Variants in COL6A6 observed in about 807,000 individuals in gnomAD.
COL6A6 encodes the protein collagen alpha-6(VI) chain.
In COL6A6, 183 loss-of-function variants were observed where a neutral mutation model predicts 208.6. The observed-to-expected ratio is 0.88, with a 90% confidence interval of 0.78 to 0.99. The LOEUF (loss-of-function observed/expected upper bound fraction) is 0.99. Ranked by LOEUF, COL6A6 falls within the 50% of genes least tolerant of loss-of-function variation. The pLI is 0.00. For missense variants in COL6A6, 2,816 were observed against 2,815.2 expected (o/e 1.00, Z -0.01); for synonymous variants, 973 against 1,011.8 (o/e 0.96, Z 0.73).
At chr3:130,597,233 G>C (rs746388096) in intron 18 of COL6A6, among the ~76,000 whole-genome samples, 6 of 152,094 alleles carry the variant, frequency 3.9e-5, no homozygotes, top group Non-Finnish European at 5.9e-5. Flanking sequence ...CTTGGAGAAC[G>C]TAAGAGACAA....
intron 17 of COL6A6, among the ~76,000 whole-genome samples, chr3:130,593,729 G>A (rs1378960795): frequency 1.3e-5 from 2 of 152,146 alleles, no homozygotes; most frequent in African/African-American, 2.4e-5. Context: ...ACATGGCAAA[G>A]GACACAGGAA....
intron 32 of COL6A6, among the ~76,000 whole-genome samples, chr3:130,646,623 C>T (rs548947127): frequency 1.3e-5 from 2 of 152,278 alleles, no homozygotes; most frequent in Admixed American, 6.5e-5. Flanking sequence ...GCATAGGGAA[C>T]TTTAAGTGCA....
At chr3:130,543,654 A>G (rs2062426640) in intron 1 of COL6A6, among the ~76,000 whole-genome samples, 1 of 152,200 alleles carries the variant, frequency 6.6e-6, no homozygotes, top group Non-Finnish European at 1.5e-5. Context: ...CCTTCCATCT[A>G]TTGTAACATT....
chr3:130,558,233 T>A (rs543830860), intron 1 of COL6A6, among the ~76,000 whole-genome samples: 27 of 152,304 alleles, frequency 1.8e-4, no homozygotes, highest in Admixed American at 9.8e-4. Flanking sequence ...GCACTTCATC[T>A]GTGTTTTGAT....
rs368134547 is a variant in COL6A6 at position 130,566,967 on chromosome 3, C to T, written c.1548C>T (p.Gly516=). 2.9e-5 allele frequency: 47 copies of T among 1,613,990 alleles called. No individual in the cohort carries two copies. The highest frequency in any genetic ancestry group is 1.5e-4 in the African/African-American group (11 of 75,026). The part of the protein sequence containing the change: ...IRQMGGNTNT[G]AALNFTLSLL... ...AGATGGGTGGGAATACAAACACAGG[C>T]GCAGCACTGAATTTCACACTGAGTC... Residue 516 remains glycine, a synonymous_variant, in exon 5 of 37, where the codon GGC becomes GGT. Coordinates refer to ENST00000358511, the MANE Select transcript of COL6A6 (RefSeq NM_001102608.3).
intron 36 of COL6A6, among the ~76,000 whole-genome samples, chr3:130,673,618 A>G (rs2066288653): frequency 2.0e-5 from 3 of 152,090 alleles, no homozygotes; most frequent in Admixed American, 2.0e-4. Flanking sequence ...TACAATCGTC[A>G]CTTTGGGGAA....
intron 4 of COL6A6, 63 bp downstream of exon 4, chr3:130,565,677 T>C: frequency 6.7e-7 from 1 of 1,499,332 alleles, no homozygotes; most frequent in Non-Finnish European, 8.9e-7. Context: ...TCAAATATTC[T>C]GTATACAAAG....
In COL6A6 at chr3:130,621,832, A is replaced by AGG; in HGVS notation, c.4827_4828insGG (p.Pro1610GlyfsTer82). On this transcript the variant is annotated frameshift_variant, in exon 24 of 37. Coordinates refer to ENST00000358511, the MANE Select transcript of COL6A6 (RefSeq NM_001102608.3). LOFTEE classifies it high-confidence loss of function. ...TTGTTTTGTTTCAGGGGCCTCCAGG[A>AGG]CCCGGAGGAGAGGCAGGGAATCAAG... 1 of 1,613,770 alleles carries AGG rather than the reference A, an allele frequency of 6.2e-7. No individual in the cohort carries two copies. Among genetic ancestry groups the AGG allele is most frequent in the African/African-American group, 1.3e-5 (1 of 75,026 alleles).
chr3:130,664,872 T>C (rs1277420748), intron 35 of COL6A6, 131 bp from the exon 36 acceptor site: 1 of 618,650 alleles, frequency 1.6e-6, no homozygotes, highest in East Asian at 3.2e-5. Context: ...TTTCATTTCA[T>C]GTGATCACCT....
At chr3:130,572,198 A>G (rs1187954703) in intron 7 of COL6A6, among the ~76,000 whole-genome samples, 1 of 152,232 alleles carries the variant, frequency 6.6e-6, no homozygotes, top group Non-Finnish European at 1.5e-5. Flanking sequence ...GAAGCCCAGT[A>G]TTAAAAACTC....
At chr3:130,561,909 C>T (rs187610181) in intron 2 of COL6A6, among the ~76,000 whole-genome samples, 2 of 152,126 alleles carry the variant, frequency 1.3e-5, no homozygotes, top group African/African-American at 4.8e-5. Context: ...GCCTCGGCCT[C>T]CCAAAGTGCT....
At chr3:130,672,591 CAG>C (rs970957159) in intron 36 of COL6A6, among the ~76,000 whole-genome samples, 7 of 151,858 alleles carry the variant, frequency 4.6e-5, no homozygotes, top group South Asian at 2.1e-4. Flanking sequence ...TTAGCAGAGA[CAG>C]GGGTTTTACC....
chr3:130,527,000 T>A (rs997382320), intron 1 of COL6A6, among the ~76,000 whole-genome samples: 1 of 52,502 alleles, frequency 1.9e-5, no homozygotes. Flanking sequence ...GTTAAGGAAA[T>A]GGCCTTAGGC....
intron 2 of COL6A6, among the ~76,000 whole-genome samples, chr3:130,560,645 A>G (rs572623826): frequency 2.7e-4 from 41 of 152,282 alleles, no homozygotes; most frequent in African/African-American, 9.9e-4. Flanking sequence ...AATAGATATG[A>G]GAGCTGTCAT....
chr3:130,585,413 T>C (rs929023948), intron 10 of COL6A6, among the ~76,000 whole-genome samples: 1 of 152,216 alleles, frequency 6.6e-6, no homozygotes, highest in Non-Finnish European at 1.5e-5. Context: ...AATAGAGTTA[T>C]ATTCGAACCT....
At position 130,662,159 on chromosome 3, in the gene COL6A6, T is replaced by C; in HGVS notation, c.6353T>C (p.Phe2118Ser). Residue 2118 changes from phenylalanine to serine, a missense_variant, in exon 35 of 37, where the codon TTT becomes TCT. Transcript: ENST00000358511. ...AKCQGYALFV[F>S]SLGPIWDDKE... ...TGTCAGGGATATGCCTTATTTGTGT[T>C]TTCCCTTGGCCCTATTTGGGATGAC... The C allele has an allele frequency of 6.2e-7, 1 of 1,614,010 alleles. No individual in the cohort carries two copies. The highest frequency in any genetic ancestry group is 8.5e-7 in the Non-Finnish European group (1 of 1,179,876).
At chr3:130,590,264 T>C (rs2063644361) in intron 12 of COL6A6, among the ~76,000 whole-genome samples, 2 of 14,698 alleles carry the variant, frequency 1.4e-4, no homozygotes, top group African/African-American at 6.3e-4. Context: ...CATATATATA[T>C]ATATATATAT....
intron 11 of COL6A6, among the ~76,000 whole-genome samples, chr3:130,587,758 T>G (rs768021109): frequency 6.6e-6 from 1 of 152,256 alleles, no homozygotes; most frequent in Non-Finnish European, 1.5e-5. Context: ...ACATAGGTAT[T>G]TAAGCAGCTT....
At chr3:130,597,076 C>G (rs1409983153) in intron 18 of COL6A6, among the ~76,000 whole-genome samples, 1 of 152,172 alleles carries the variant, frequency 6.6e-6, no homozygotes. Flanking sequence ...TTTATGTTAT[C>G]TCTTCAAGTA....
Sources: gnomAD v4.1 joint callset for allele counts (sites outside exome capture counted in the v4.1 genomes callset) on GRCh38, gnomAD v4.1.1 for gene constraint, MANE v1.5 for transcripts, NCBI Gene and HGNC (gene_info 2026-07-23, HGNC 2026-07-21) for gene names.